The following NLGN1 variants were observed in gnomAD, a reference collection of about 807,000 sequenced individuals.
NLGN1 encodes the protein neuroligin-1.
In NLGN1, 12 loss-of-function variants were observed where a neutral mutation model predicts 65.5. That is an observed-to-expected ratio of 0.18 (90% CI 0.12 to 0.30). The LOEUF (loss-of-function observed/expected upper bound fraction) is 0.30. Among genes scored for constraint, NLGN1 ranks in the 10% least tolerant of loss-of-function variants. The pLI is 1.00. For missense variants in NLGN1, 750 were observed against 1,007.1 expected (o/e 0.74, Z 3.46); for synonymous variants, 350 against 359.5 (o/e 0.97, Z 0.30).
chr3:173,836,437 A>G (rs1229654540), intron 4 of NLGN1, among the ~76,000 whole-genome samples: 2 of 152,170 alleles, frequency 1.3e-5, no homozygotes, highest in African/African-American at 4.8e-5. Flanking sequence ...ATAATAGTTT[A>G]TTGATTTATG....
intron 4 of NLGN1, among the ~76,000 whole-genome samples, chr3:173,977,125 A>G (rs1009794016): frequency 9.3e-5 from 14 of 150,784 alleles, no homozygotes; most frequent in African/African-American, 2.9e-4. Context: ...ACACACACGC[A>G]CACACACACA....
chr3:174,177,702 A>G (rs1729696537), intron 4 of NLGN1, among the ~76,000 whole-genome samples: 1 of 152,106 alleles, frequency 6.6e-6, no homozygotes. Context: ...CTTATATTCA[A>G]TTATATATGC....
chr3:173,813,749 T>C (rs1046276590), intron 4 of NLGN1, among the ~76,000 whole-genome samples: 2 of 152,140 alleles, frequency 1.3e-5, no homozygotes, highest in African/African-American at 4.8e-5. Flanking sequence ...CACAGTAAAA[T>C]ATAATGGATT....
chr3:173,410,474 A>G (rs1488461684), intron 1 of NLGN1, among the ~76,000 whole-genome samples: 2 of 152,176 alleles, frequency 1.3e-5, no homozygotes, highest in African/African-American at 4.8e-5. Flanking sequence ...GAGTTTTTGA[A>G]GTTAAGATAT....
intron 2 of NLGN1, among the ~76,000 whole-genome samples, chr3:173,499,870 G>A (rs910241411): frequency 6.6e-6 from 1 of 151,804 alleles, no homozygotes; most frequent in South Asian, 2.1e-4. Context: ...TGTTATTGGT[G>A]TATAAGAATA....
chr3:173,664,412 T>A (rs1232521419), intron 3 of NLGN1, among the ~76,000 whole-genome samples: 1 of 152,098 alleles, frequency 6.6e-6, no homozygotes, highest in African/African-American at 2.4e-5. Context: ...ATCTAAATTT[T>A]AGAAATACAA....
chr3:173,938,206 C>G (rs1471257283), intron 4 of NLGN1, among the ~76,000 whole-genome samples: 1 of 152,118 alleles, frequency 6.6e-6, no homozygotes, highest in Non-Finnish European at 1.5e-5. Context: ...TTGCAGTTCT[C>G]CTCTTTTCAG....
chr3:174,026,913 T>C (rs1728946869), intron 4 of NLGN1, among the ~76,000 whole-genome samples: 1 of 152,056 alleles, frequency 6.6e-6, no homozygotes, highest in South Asian at 2.1e-4. Flanking sequence ...ACATAATATA[T>C]TCATGTGATA....
At chr3:173,434,478 G>T (rs937245909) in intron 1 of NLGN1, among the ~76,000 whole-genome samples, 5 of 152,120 alleles carry the variant, frequency 3.3e-5, no homozygotes, top group African/African-American at 1.2e-4. Flanking sequence ...GTTTCAAGTA[G>T]TATACTTTTG....
chr3:174,064,977 A>C (rs767786643), intron 4 of NLGN1, among the ~76,000 whole-genome samples: 1 of 151,566 alleles, frequency 6.6e-6, no homozygotes, highest in African/African-American at 2.4e-5. Context: ...CTTAAAGAAA[A>C]CTGCATATTC....
At chr3:173,986,083 A>T (rs1719828947) in intron 4 of NLGN1, among the ~76,000 whole-genome samples, 1 of 152,240 alleles carries the variant, frequency 6.6e-6, no homozygotes, top group Admixed American at 6.5e-5. Flanking sequence ...TTGTAAATAG[A>T]GTCATTGCAG....
At position 174,260,601 on chromosome 3, in the gene NLGN1, G is replaced by C. The variant is rs1746703264; in HGVS notation, c.647-14714G>C. On this transcript the variant is annotated intron_variant, in intron 4 of 6. Coordinates refer to ENST00000457714, the Ensembl canonical transcript of NLGN1. ...TGGATATTAGCCCTTTGTCAGATGA[G>C]TAGGTTGTGAAAATTTTCTCCCATT... Among the ~76,000 whole-genome samples, 2 of 133,194 alleles carry C rather than the reference G, an allele frequency of 1.5e-5. 1 individual carries two copies. Among genetic ancestry groups the C allele is most frequent in the Admixed American group, 1.6e-4 (2 of 12,870 alleles). The allele number at this position is 133,194 out of a possible 152,430, so 87.4% of individuals were successfully genotyped here.
At chr3:174,247,505 G>C (rs1056673522) in intron 4 of NLGN1, among the ~76,000 whole-genome samples, 1 of 152,094 alleles carries the variant, frequency 6.6e-6, no homozygotes, top group Non-Finnish European at 1.5e-5. Context: ...TCTTCCTGCT[G>C]TCTCTCACTC....
At chr3:173,497,004 A>G (rs928582095) in intron 2 of NLGN1, among the ~76,000 whole-genome samples, 1 of 151,876 alleles carries the variant, frequency 6.6e-6, no homozygotes, top group African/African-American at 2.4e-5. Flanking sequence ...GTGTGAGGGC[A>G]CCTTTCTTGA....
At chr3:173,408,041 GT>G (rs1711631613) in intron 1 of NLGN1, among the ~76,000 whole-genome samples, 1 of 152,148 alleles carries the variant, frequency 6.6e-6, no homozygotes, top group Non-Finnish European at 1.5e-5. Flanking sequence ...TTGATTGCCT[GT>G]CATCAAATGA....
chr3:173,425,155 ACTC>A (rs1715868913), intron 1 of NLGN1, among the ~76,000 whole-genome samples: 3 of 152,082 alleles, frequency 2.0e-5, no homozygotes, highest in African/African-American at 7.2e-5. Context: ...TCTTGTGAGA[ACTC>A]CTTTACTATC....
intron 2 of NLGN1, among the ~76,000 whole-genome samples, chr3:173,437,201 G>A (rs894893933): frequency 6.6e-6 from 1 of 152,208 alleles, no homozygotes; most frequent in Non-Finnish European, 1.5e-5. Context: ...TAATTTGACT[G>A]TTGCTTCCTC....
chr3:174,199,239 G>A (rs1036770188), intron 4 of NLGN1, among the ~76,000 whole-genome samples: 5 of 152,062 alleles, frequency 3.3e-5, no homozygotes, highest in Admixed American at 2.6e-4. Flanking sequence ...GACAAAGGAT[G>A]TAAACCTCAG....
chr3:174,182,022 G>A (rs1348521396), intron 4 of NLGN1, among the ~76,000 whole-genome samples: 1 of 148,846 alleles, frequency 6.7e-6, no homozygotes, highest in Non-Finnish European at 1.5e-5. Flanking sequence ...GAATAAACTT[G>A]GACTATCATT....
Sources: allele counts gnomAD v4.1 joint callset (sites outside exome capture counted in the v4.1 genomes callset), GRCh38; gene constraint gnomAD v4.1.1; transcripts MANE v1.5; gene names NCBI Gene and HGNC (gene_info 2026-07-23, HGNC 2026-07-21).